The following TBK1 variants were observed in gnomAD, a reference collection of about 807,000 sequenced individuals.
The protein encoded by TBK1 is TANK binding kinase 1, also known as serine/threonine-protein kinase TBK1.
Under a neutral mutation model 99.9 loss-of-function variants are expected in TBK1, and 37 were observed. The ratio of observed to expected loss-of-function variants is 0.37; its 90% confidence interval spans 0.28 to 0.49. The LOEUF (loss-of-function observed/expected upper bound fraction) is 0.49, where lower values mean the gene tolerates loss of function less well. TBK1 is among the 20% of genes least tolerant of loss of function. The pLI, the probability that TBK1 is intolerant of heterozygous loss-of-function variation, is 0.98. For missense variants in TBK1, 644 were observed against 872.5 expected, an observed-to-expected ratio of 0.74 and a Z score of 3.30; for synonymous variants, 258 against 279.8, an observed-to-expected ratio of 0.92 and a Z score of 0.78.
chr12:64,453,864 G>A (rs952551548), intron 1 of TBK1, among the ~76,000 whole-genome samples: 12 of 152,068 alleles, frequency 7.9e-5, no homozygotes, highest in African/African-American at 2.4e-4. Context: ...CAGGCTACTT[G>A]GTACGTTTAT....
intron 7 of TBK1, among the ~76,000 whole-genome samples, chr12:64,480,649 T>C (rs897230207): frequency 6.6e-6 from 1 of 152,220 alleles, no homozygotes; most frequent in Admixed American, 6.5e-5. Context: ...AAAAAAATTA[T>C]ATTGTCATTT....
In TBK1 at chr12:64,458,086, AACACACACACACACACAC is replaced by A. The variant is rs71092969; in HGVS notation, c.88-2085_88-2068del. On this transcript the variant is annotated intron_variant, in intron 2 of 20. Transcript: ENST00000331710. ...ACATGGCAAAACCCTGTCTCTACTAAACACACACACACACACACACACACACACACACACATACACACA... is the reference window on the plus strand; with the variant it reads ...ACATGGCAAAACCCTGTCTCTACTAAACACACACACACACACATACACACA... 7.0e-5 allele frequency among the ~76,000 whole-genome samples: 10 copies of A among 143,568 alleles called. No homozygotes were observed. In the South Asian group the frequency reaches 1.1e-3, roughly 16 times the overall value. The allele number at this position is 143,568 out of a possible 152,430, so 94.2% of individuals were successfully genotyped here.
At chr12:64,459,366 T>G (rs947416958) in intron 2 of TBK1, among the ~76,000 whole-genome samples, 10 of 152,154 alleles carry the variant, frequency 6.6e-5, no homozygotes, top group African/African-American at 2.4e-4. Flanking sequence ...GAAGAACATA[T>G]AAATATGATG....
rs114050873 is a variant in TBK1, at chr12:64,496,611, G to C, written c.1760+205G>C. ...GAAGTTACCATGATGGGAGAAGGAG[G>C]GGGGAGAAAGATTACCATTTCAGTC... On this transcript the variant is annotated intron_variant, in intron 16 of 20. Coordinates refer to ENST00000331710, the MANE Select transcript of TBK1 (RefSeq NM_013254.4). 8.9e-3 allele frequency among the ~76,000 whole-genome samples: 1,362 copies of C among 152,194 alleles called. 19 individuals carry two copies. Among genetic ancestry groups the C allele is most frequent in the African/African-American group, 0.031 (1,269 of 41,524 alleles).
intron 5 of TBK1, among the ~76,000 whole-genome samples, chr12:64,472,091 T>C (rs780660526): frequency 1.3e-5 from 2 of 151,760 alleles, no homozygotes; most frequent in African/African-American, 2.4e-5. Flanking sequence ...AATCACTTTA[T>C]GTGCTGTGCT....
chr12:64,484,565 T>TA (rs958006586), intron 9 of TBK1, 66 bp downstream of exon 9: 30 of 1,462,252 alleles, frequency 2.1e-5, no homozygotes, highest in Non-Finnish European at 2.5e-5. Flanking sequence ...CTGGGCAACA[T>TA]AGTGAGACCT....
intron 13 of TBK1, among the ~76,000 whole-genome samples, chr12:64,493,085 G>A (rs900835325): frequency 1.3e-5 from 2 of 151,542 alleles, no homozygotes; most frequent in African/African-American, 2.4e-5. Flanking sequence ...TAGTAGAGAC[G>A]GGGTTTCACC....
In TBK1 at chr12:64,486,018, G is replaced by A. The variant is rs767898276; in HGVS notation, c.1340+1G>A. The A allele has an allele frequency of 1.9e-6, 3 of 1,564,864 alleles. No individual in the cohort carries two copies. The highest frequency in any genetic ancestry group is 1.7e-6 in the Non-Finnish European group (2 of 1,158,098). The stretch of plus-strand genomic sequence containing the variant: ...TGCGAAAGGGGATACGATGGCTGAT[G>A]TAAGTAATAGATTGAAATTTTGAAA... On this transcript the variant is annotated splice_donor_variant, in intron 11 of 20. Coordinates refer to ENST00000331710, the MANE Select transcript of TBK1 (RefSeq NM_013254.4). LOFTEE classifies it high-confidence loss of function.
At chr12:64,469,970 A>G (rs2040645719) in intron 5 of TBK1, among the ~76,000 whole-genome samples, 1 of 152,140 alleles carries the variant, frequency 6.6e-6, no homozygotes, top group Non-Finnish European at 1.5e-5. Flanking sequence ...TTACTGCTCT[A>G]AGAATGTTCT....
Position 64,496,391 on chromosome 12 carries a change from T to C in TBK1, c.1745T>C (p.Ile582Thr). The C allele has an allele frequency of 1.6e-6, 2 of 1,258,172 alleles. No homozygotes were observed. Among genetic ancestry groups the C allele is most frequent in the Non-Finnish European group, 2.2e-6 (2 of 902,550 alleles). The allele number at this position is 1,258,172 out of a possible 1,614,324, so 77.9% of individuals were successfully genotyped here. Residue 582 changes from isoleucine (I) to threonine (T), a missense_variant, in exon 16 of 21, where the codon ATC (isoleucine) becomes ACC (threonine). Around this residue, in one of 3 missense-constraint regions of TBK1, gnomAD observed 465 missense variants for 588.0 expected, o/e 0.79. Coordinates refer to ENST00000331710, the MANE Select transcript of TBK1 (RefSeq NM_013254.4). The part of the protein sequence containing the change: ...ERRLAYNEEQ[I>T]HKFDKQKLYY... The stretch of plus-strand genomic sequence containing the variant: ...GGATTAGCTTATAATGAAGAACAAA[T>C]CCACAAATTTGATAAGTAAGTATCC...
chr12:64,457,769 G>C (rs1425674385), intron 2 of TBK1, among the ~76,000 whole-genome samples: 1 of 152,136 alleles, frequency 6.6e-6, no homozygotes, highest in East Asian at 1.9e-4. Context: ...TGTTCTTCAT[G>C]TAAGTGACTA....
chr12:64,460,588 C>T (rs1474376950), intron 3 of TBK1, among the ~76,000 whole-genome samples: 1 of 152,090 alleles, frequency 6.6e-6, no homozygotes, highest in Non-Finnish European at 1.5e-5. Context: ...ATAATCCCAG[C>T]ACTTTGGGAG....
intron 5 of TBK1, among the ~76,000 whole-genome samples, chr12:64,468,885 C>G (rs956022256): frequency 6.6e-6 from 1 of 152,084 alleles, no homozygotes; most frequent in African/African-American, 2.4e-5. Context: ...GCTACCTCCC[C>G]CTGCAGAAAA....
At chr12:64,467,145 G>T in intron 5 of TBK1, 63 bp downstream of exon 5, 1 of 1,285,744 alleles carries the variant, frequency 7.8e-7, no homozygotes, top group Non-Finnish European at 1.0e-6. Context: ...TTATAATTGG[G>T]TAATTGGTCA....
intron 1 of TBK1, among the ~76,000 whole-genome samples, chr12:64,453,085 C>T (rs959989686): frequency 9.2e-5 from 14 of 152,284 alleles, no homozygotes; most frequent in African/African-American, 2.6e-4. Flanking sequence ...TGTTGAGTGT[C>T]TGCTTATATG....
intron 8 of TBK1, among the ~76,000 whole-genome samples, chr12:64,483,210 A>G (rs1340349625): frequency 6.6e-6 from 1 of 152,252 alleles, no homozygotes; most frequent in Admixed American, 6.5e-5. Flanking sequence ...CCCATTCTCC[A>G]TGGTGTGATT....
At chr12:64,495,854 T>C in intron 15 of TBK1, 79 bp downstream of exon 15, 1 of 1,172,734 alleles carries the variant, frequency 8.5e-7, no homozygotes. Flanking sequence ...TAATTTGGTA[T>C]ATCTGTAAGG....
rs565166649 is a variant in TBK1, at chr12:64,460,289, A to G, written c.188A>G (p.Asn63Ser). The change falls in exon 3 of 21, where the codon AAT (asparagine) becomes AGT (serine). Residue 63 changes from asparagine to serine, a missense_variant. Asn to Ser is a conservative substitution (Grantham distance 46). Around this residue, in one of 3 missense-constraint regions of TBK1, gnomAD observed 148 missense variants for 202.1 expected, o/e 0.73. Coordinates refer to ENST00000331710, the MANE Select transcript of TBK1 (RefSeq NM_013254.4). ...MREFEVLKKL[N>S]HKNIVKLFAI... ...GAATTTGAAGTGTTGAAAAAACTCA[A>G]TCACAAAAATATTGTCAAATTATTT... 6 of 1,578,156 alleles carry G rather than the reference A, an allele frequency of 3.8e-6. No homozygotes were observed. The highest frequency in any genetic ancestry group is 4.6e-5 in the East Asian group (2 of 43,622).
intron 12 of TBK1, 61 bp from the exon 13 acceptor site, chr12:64,489,980 T>A: frequency 1.0e-6 from 1 of 998,500 alleles, no homozygotes; most frequent in South Asian, 1.7e-5. Context: ...TTATAAAACA[T>A]CTTTTTAAAA....
Sources: allele counts gnomAD v4.1 joint callset (sites outside exome capture counted in the v4.1 genomes callset), GRCh38; gene constraint gnomAD v4.1.1; regional missense constraint gnomAD v4.1.1; transcripts MANE v1.5; gene names NCBI Gene and HGNC (gene_info 2026-07-23, HGNC 2026-07-21).